USP12: variants seen among roughly 807,000 people sequenced by gnomAD.
The protein encoded by USP12 is ubiquitin carboxyl-terminal hydrolase 12.
USP12 carries 19 observed loss-of-function variants against 45.5 expected under a neutral mutation model. The ratio of observed to expected loss-of-function variants is 0.42; its 90% CI spans 0.29 to 0.61. The LOEUF is 0.61. USP12 is among the 20% of genes least tolerant of loss of function. The pLI is 0.22. For missense variants in USP12, 242 were observed against 447.7 expected (o/e 0.54, Z 4.15); for synonymous variants, 149 against 148.8 (o/e 1.00, Z -0.01).
chr13:27,095,303 G>A (rs1418004838), intron 4 of USP12, among the ~76,000 whole-genome samples: 1 of 152,280 alleles, frequency 6.6e-6, no homozygotes, highest in African/African-American at 2.4e-5. Context: ...ATGATCCTAT[G>A]AGATTATGTC....
At chr13:27,078,970 T>C (rs542594565) in intron 6 of USP12, among the ~76,000 whole-genome samples, 45 of 151,214 alleles carry the variant, frequency 3.0e-4, no homozygotes, top group African/African-American at 1.0e-3. Context: ...ATTTCAAAGA[T>C]GAAATCAGAG....
intron 1 of USP12, among the ~76,000 whole-genome samples, chr13:27,165,204 T>G (rs1372548477): frequency 6.6e-6 from 1 of 152,124 alleles, no homozygotes; most frequent in Non-Finnish European, 1.5e-5. Flanking sequence ...AGACCAGTTA[T>G]TTTTGTTCCC....
At chr13:27,166,624 T>A (rs776627654) in intron 1 of USP12, among the ~76,000 whole-genome samples, 2 of 152,170 alleles carry the variant, frequency 1.3e-5, no homozygotes, top group African/African-American at 2.4e-5. Flanking sequence ...CAAAGCCATA[T>A]GATATAAAAT....
intron 4 of USP12, among the ~76,000 whole-genome samples, chr13:27,092,573 G>A (rs1041438844): frequency 7.9e-5 from 12 of 152,158 alleles, no homozygotes; most frequent in African/African-American, 2.7e-4. Flanking sequence ...ACAAATAAGA[G>A]TCAACTCATC....
intron 1 of USP12, among the ~76,000 whole-genome samples, chr13:27,168,768 C>A (rs940626433): frequency 6.6e-6 from 1 of 152,204 alleles, no homozygotes; most frequent in African/African-American, 2.4e-5. Context: ...AAGCACAACA[C>A]TAGTGATCTA....
chr13:27,110,491 C>T (rs1196006728), intron 2 of USP12, among the ~76,000 whole-genome samples: 1 of 152,142 alleles, frequency 6.6e-6, no homozygotes. Context: ...GAGTTACCAA[C>T]TTTTTGAAGA....
intron 6 of USP12, among the ~76,000 whole-genome samples, chr13:27,086,184 A>AT (rs1414996540): frequency 0.02 from 1,393 of 69,416 alleles, 35 homozygotes; most frequent in East Asian, 0.052. Flanking sequence ...TAAAAAAAAA[A>AT]AAAAAAAAAA....
chr13:27,087,099 CTGTGTG>C (rs72206222), intron 6 of USP12, among the ~76,000 whole-genome samples: 16 of 147,158 alleles, frequency 1.1e-4, no homozygotes, highest in African/African-American at 3.2e-4. Context: ...GGGGAAGGGG[CTGTGTG>C]TGTGTGTGTG....
intron 6 of USP12, among the ~76,000 whole-genome samples, chr13:27,085,866 CA>C (rs1229126985): frequency 6.6e-6 from 1 of 151,300 alleles, no homozygotes. Context: ...TATGTTCATA[CA>C]AAAAAAATAT....
Position 27,167,763 on chromosome 13 carries a change from A to C in USP12, c.48+3829T>G, listed in dbSNP as rs547626774. On this transcript the variant is annotated intron_variant, in intron 1 of 8. Transcript: ENST00000282344. ...AAAAGAAATTTCATTATTTAATATA[A>C]TATTCTTGTTATATGAAGAGGAGAC... is the stretch of plus-strand genomic sequence containing the variant. Among the ~76,000 whole-genome samples, 41 of 152,184 alleles carry C rather than the reference A, an allele frequency of 2.7e-4. No individual in the cohort carries two copies. The South Asian group carries it at 8.1e-3, about 30-fold the overall frequency.
intron 1 of USP12, among the ~76,000 whole-genome samples, chr13:27,120,867 A>G (rs1875951556): frequency 6.6e-6 from 1 of 152,204 alleles, no homozygotes; most frequent in Non-Finnish European, 1.5e-5. Flanking sequence ...TTAAAAAATA[A>G]TAATTAACTG....
Position 27,162,162 on chromosome 13 carries a change from T to C in USP12, c.48+9430A>G, listed in dbSNP as rs1406751993. Among the ~76,000 whole-genome samples the C allele has an allele frequency of 3.3e-5, 5 of 152,344 alleles. No homozygotes were observed. The South Asian group carries it at 8.3e-4, about 25-fold the overall frequency. On this transcript the variant is annotated intron_variant, in intron 1 of 8. Coordinates refer to ENST00000282344, the MANE Select transcript of USP12 (RefSeq NM_182488.4). ...TAAGGGTGATGTTGATATGTATTTA[T>C]AGTACAAAGGACGTTCACATGTGTC...
intron 8 of USP12, among the ~76,000 whole-genome samples, chr13:27,070,678 C>T (rs1284830730): frequency 1.3e-5 from 2 of 151,990 alleles, no homozygotes; most frequent in Non-Finnish European, 2.9e-5. Context: ...CTCAGCCTCC[C>T]GAGTAGCTGG....
At chr13:27,155,564 G>A (rs1877796904) in intron 1 of USP12, among the ~76,000 whole-genome samples, 1 of 152,064 alleles carries the variant, frequency 6.6e-6, no homozygotes, top group Non-Finnish European at 1.5e-5. Context: ...AACTGTACCT[G>A]GTTAGTTCAT....
intron 1 of USP12, among the ~76,000 whole-genome samples, chr13:27,153,560 G>A (rs962983877): frequency 5.3e-5 from 8 of 151,956 alleles, no homozygotes; most frequent in East Asian, 1.9e-4. Flanking sequence ...TCCATTAATC[G>A]GTACATTAGA....
Position 27,090,156 on chromosome 13 carries a change from T to C in USP12, c.576A>G (p.Ile192Met), listed in dbSNP as rs1410646055. 1.3e-6 allele frequency: 2 copies of C among 1,576,390 alleles called. No individual in the cohort carries two copies. Among genetic ancestry groups the C allele is most frequent in the Non-Finnish European group, 1.7e-6 (2 of 1,154,224 alleles). ...CTAAAAAATCTTCATCTTTGCTGCT[T>C]ATCTGTAAAAACAGTGAATTGTCTT... is the stretch of plus-strand genomic sequence containing the variant. ...NETRCLTCET[I>M]SSKDEDFLDL... Residue 192 changes from isoleucine (I) to methionine (M), a missense_variant and splice_region_variant, in exon 5 of 9, where the codon ATA (isoleucine) becomes ATG (methionine). Ile to Met is a conservative substitution (Grantham distance 10). Around this residue, in one of 5 missense-constraint regions of USP12, gnomAD observed 12 missense variants for 71.0 expected, o/e 0.17. Transcript: ENST00000282344.
intron 1 of USP12, among the ~76,000 whole-genome samples, chr13:27,155,954 T>C (rs1877819808): frequency 1.3e-5 from 2 of 152,234 alleles, no homozygotes; most frequent in African/African-American, 4.8e-5. Flanking sequence ...TCTCTTTCAA[T>C]GTTTTTAAAA....
chr13:27,102,184 C>T (rs1174859657), intron 3 of USP12, among the ~76,000 whole-genome samples: 1 of 152,162 alleles, frequency 6.6e-6, no homozygotes, highest in Non-Finnish European at 1.5e-5. Flanking sequence ...CCCTCAGGCC[C>T]ACCTAAAATG....
At chr13:27,091,426 A>C (rs1874308489) in intron 4 of USP12, among the ~76,000 whole-genome samples, 2 of 152,220 alleles carry the variant, frequency 1.3e-5, no homozygotes, top group South Asian at 4.1e-4. Flanking sequence ...AGACACAAGG[A>C]TGCTCTAGAT....
Sources: gnomAD v4.1 joint callset for allele counts (sites outside exome capture counted in the v4.1 genomes callset) on GRCh38, gnomAD v4.1.1 for gene constraint, gnomAD v4.1.1 regional missense constraint, MANE v1.5 for transcripts, NCBI Gene and HGNC (gene_info 2026-07-23, HGNC 2026-07-21) for gene names.